The following ENO1 variants were observed in gnomAD, a reference collection of about 807,000 sequenced individuals.
ENO1 encodes the protein alpha-enolase.
ENO1 carries 33 observed loss-of-function variants against 46.3 expected under a neutral mutation model. The ratio of observed to expected loss-of-function variants is 0.71; its 90% CI spans 0.54 to 0.95. ENO1 has a LOEUF of 0.95. Among genes scored for constraint, ENO1 ranks in the 40% least tolerant of loss-of-function variants. ENO1 has a pLI of 0.00. For missense variants in ENO1, 488 were observed against 553.3 expected (o/e 0.88, Z 1.18); for synonymous variants, 220 against 216.0 (o/e 1.02, Z -0.16).
rs1275080715 is a variant in ENO1, at chr1:8,862,769, A to G, written c.1235+118T>C. 3 of 1,170,276 alleles carry G rather than the reference A, an allele frequency of 2.6e-6. No individual in the cohort carries two copies. In the African/African-American group the frequency reaches 4.6e-5, roughly 18 times the overall value. The allele number at this position is 1,170,276 out of a possible 1,614,324, so 72.5% of individuals were successfully genotyped here. A position where few individuals can be genotyped will look rare whatever the true frequency, so the allele number is the denominator to read the frequency against. On this transcript the variant is annotated intron_variant, in intron 11 of 11. Coordinates refer to ENST00000234590, the MANE Select transcript of ENO1 (RefSeq NM_001428.5). ...CAGGGCCTGGCTGTCTGCACTGTGC[A>G]CCTGCACCTGTACATGTTCCCAGAG...
intron 4 of ENO1, 27 bp from the exon 5 acceptor site, chr1:8,868,084 G>A (rs747206933): frequency 6.4e-7 from 1 of 1,561,400 alleles, no homozygotes; most frequent in Admixed American, 1.7e-5. Flanking sequence ...AGAATGAGGG[G>A]TTGGGGCCAC....
chr1:8,866,023 G>A (rs957109547), intron 7 of ENO1: 23 of 413,930 alleles, frequency 5.6e-5, no homozygotes, highest in African/African-American at 2.7e-4. Context: ...GGAAGTTGTA[G>A]TGAGCCGAGA....
intron 4 of ENO1, among the ~76,000 whole-genome samples, chr1:8,869,090 A>G (rs1328016520): frequency 1.3e-5 from 2 of 152,210 alleles, no homozygotes; most frequent in Non-Finnish European, 2.9e-5. Context: ...ATCAACTCTG[A>G]TCCCATCATG....
In ENO1 at chr1:8,866,236, C is replaced by G. The variant is rs28999085; in HGVS notation, c.667+43G>C. ...ACGACCCCCCAACAGAGGGAGCTGG[C>G]GCTGCAGGGCTGGGTGGGGGGGCGG... On this transcript the variant is annotated intron_variant, in intron 7 of 11. Transcript: ENST00000234590. 175 of 1,580,496 alleles carry G rather than the reference C, an allele frequency of 1.1e-4. 1 individual carries two copies. The highest frequency in any genetic ancestry group is 4.6e-4 in the Admixed American group (27 of 59,118).
chr1:8,863,691 C>CT (rs1313016329), intron 9 of ENO1, among the ~76,000 whole-genome samples, 200 bp downstream of exon 9: 2 of 152,218 alleles, frequency 1.3e-5, no homozygotes, highest in Admixed American at 6.5e-5. Context: ...ATCCTCCTGC[C>CT]TTGGCCTCCC....
At chr1:8,866,257 G>T (rs777923490) in intron 7 of ENO1, 22 bp downstream of exon 7, 1 of 1,611,284 alleles carries the variant, frequency 6.2e-7, no homozygotes, top group Non-Finnish European at 8.5e-7. Context: ...TGGGTGGGGG[G>T]GCGGTTCCCT....
chr1:8,875,370 A>C (rs1203376941), intron 1 of ENO1, among the ~76,000 whole-genome samples: 1 of 152,096 alleles, frequency 6.6e-6, no homozygotes, highest in Non-Finnish European at 1.5e-5. Flanking sequence ...ATCAAATCCA[A>C]ATAGAAAGAT....
At position 8,863,944 on chromosome 1, in the gene ENO1, G is replaced by A. The variant is rs1328241708; in HGVS notation, c.1014C>T (p.Asn338=). Residue 338 remains asparagine (N), a synonymous_variant, in exon 9 of 12, where the codon AAC becomes AAT. Transcript: ENST00000234590. Reference sequence around the variant, plus strand: ...TCTGGTTGACTTTGAGCAGGAGGCAGTTGCAGGACTTCTCGTTCACGGCCT... The same window carrying A: ...TCTGGTTGACTTTGAGCAGGAGGCAATTGCAGGACTTCTCGTTCACGGCCT... The part of the protein sequence containing the change: ...IAKAVNEKSC[N]CLLLKVNQIG... 2 of 1,614,030 alleles carry A rather than the reference G, an allele frequency of 1.2e-6. No individual in the cohort carries two copies. The highest frequency in any genetic ancestry group is 2.2e-5 in the East Asian group (1 of 44,884).
Position 8,863,983 on chromosome 1 carries a change from T to G in ENO1, c.975A>C (p.Pro325=), listed in dbSNP as rs140674283. ...VVGDDLTVTN[P]KRIAKAVNEK... The stretch of plus-strand genomic sequence containing the variant: ...CGTTCACGGCCTTGGCGATCCTCTT[T>G]GGGTTGGTCACTGTGAGATCATCCC... Residue 325 remains proline (P), a synonymous_variant, in exon 9 of 12, where the codon CCA becomes CCC. Coordinates refer to ENST00000234590, the MANE Select transcript of ENO1 (RefSeq NM_001428.5). The G allele has an allele frequency of 1.3e-4, 212 of 1,614,142 alleles. 2 individuals are homozygous for G. In the Middle Eastern group the frequency reaches 2.1e-3, roughly 16 times the overall value.
In ENO1 at chr1:8,867,751, C is replaced by T. The variant is rs577535140; in HGVS notation, c.310+237G>A. Among the ~76,000 whole-genome samples, 359 of 152,124 alleles carry T rather than the reference C, an allele frequency of 2.4e-3. 1 individual carries two copies. Among genetic ancestry groups the T allele is most frequent in the African/African-American group, 8.0e-3 (332 of 41,494 alleles). On this transcript the variant is annotated intron_variant, in intron 5 of 11. Coordinates refer to ENST00000234590, the MANE Select transcript of ENO1 (RefSeq NM_001428.5). ...TTCACCACGTTGGCCAGGATGGTCTCGATCTCCTGACCTCGTGATCCACCT... is the reference window on the plus strand; with the variant it reads ...TTCACCACGTTGGCCAGGATGGTCTTGATCTCCTGACCTCGTGATCCACCT...
intron 1 of ENO1, among the ~76,000 whole-genome samples, chr1:8,876,490 GCCC>G (rs778900104): frequency 1.1e-4 from 17 of 152,118 alleles, no homozygotes; most frequent in East Asian, 9.6e-4. Context: ...ATATCCCCCT[GCCC>G]CATCTCCAGG....
chr1:8,862,247 A>C (rs1329077620), intron 11 of ENO1, among the ~76,000 whole-genome samples: 1 of 152,234 alleles, frequency 6.6e-6, no homozygotes, highest in Non-Finnish European at 1.5e-5. Context: ...GTGACATGGC[A>C]AGACCCTGTC....
chr1:8,861,644 C>G (rs1425821319), intron 11 of ENO1, among the ~76,000 whole-genome samples: 2 of 152,042 alleles, frequency 1.3e-5, no homozygotes, highest in African/African-American at 4.8e-5. Context: ...TCTCCTCATC[C>G]CAACTCACCA....
chr1:8,866,522 A>T (rs1557581419), intron 6 of ENO1, 21 bp from the exon 7 acceptor site: 1 of 1,613,768 alleles, frequency 6.2e-7, no homozygotes, highest in Non-Finnish European at 8.5e-7. Context: ...CAGAGCAGAG[A>T]AGCATGGCAC....
rs1489571539 is a variant in ENO1, at chr1:8,871,691, G to A, written c.181+200C>T. On this transcript the variant is annotated intron_variant, in intron 3 of 11. Coordinates refer to ENST00000234590, the MANE Select transcript of ENO1 (RefSeq NM_001428.5). ...TGGAACTCTCGACCCAGAGCATGCA[G>A]GCTCGGGAACCCCGGAATCCACACA... 2.2e-6 allele frequency: 3 copies of A among 1,351,496 alleles called. No homozygotes were observed. The East Asian group carries it at 8.0e-5, about 36-fold the overall frequency. 83.7% of individuals were successfully genotyped at this position (1,351,496 alleles called of 1,614,324 possible).
Position 8,867,205 on chromosome 1 carries a change from C to T in ENO1, c.356G>A (p.Cys119Tyr), listed in dbSNP as rs1193187414. Residue 119 changes from cysteine to tyrosine, a missense_variant, in exon 6 of 12, where the codon TGC becomes TAC. By Grantham distance (194) the Cys-to-Tyr change is radical. Coordinates refer to ENST00000234590, the MANE Select transcript of ENO1 (RefSeq NM_001428.5). The part of the protein sequence containing the change: ...NAILGVSLAV[C>Y]KAGAVEKGVP... ...CCCCTTCTCAACGGCACCAGCTTTG[C>T]AGACGGCAAGGGACACCCCCAGAAT... The T allele has an allele frequency of 6.2e-7, 1 of 1,614,212 alleles. No homozygotes were observed. The highest frequency in any genetic ancestry group is 1.1e-5 in the South Asian group (1 of 91,082).
At chr1:8,867,390 T>G in intron 5 of ENO1, 140 bp from the exon 6 acceptor site, 1 of 1,230,278 alleles carries the variant, frequency 8.1e-7, no homozygotes, top group Non-Finnish European at 1.1e-6. Flanking sequence ...GAAATACAAA[T>G]AGCATTCTAT....
chr1:8,877,116 C>T (rs1431621373), intron 1 of ENO1, among the ~76,000 whole-genome samples: 1 of 152,070 alleles, frequency 6.6e-6, no homozygotes, highest in Admixed American at 6.5e-5. Flanking sequence ...CACCACCACA[C>T]CCGGCTAATT....
chr1:8,861,380 T>C lies in ENO1; in HGVS notation c.1285A>G (p.Arg429Gly). ...SKAKFAGRNF[R>G]NPLAK ...ACAGCTTACTTGGCCAAGGGGTTTC[T>C]GAAGTTCCTGCCGGCAAACTTAGCC... is the stretch of plus-strand genomic sequence containing the variant. Residue 429 changes from arginine to glycine, a missense_variant, in exon 12 of 12, where the codon AGA becomes GGA. Physicochemically the swap from Arg to Gly is moderately radical, Grantham distance 125 (BLOSUM62 -2). Coordinates refer to ENST00000234590, the MANE Select transcript of ENO1 (RefSeq NM_001428.5). 6.2e-7 allele frequency: 1 copy of C among 1,614,064 alleles called. No individual in the cohort carries two copies. Among genetic ancestry groups the C allele is most frequent in the Admixed American group, 1.7e-5 (1 of 60,020 alleles).
Sources: allele counts gnomAD v4.1 joint callset (sites outside exome capture counted in the v4.1 genomes callset), GRCh38; gene constraint gnomAD v4.1.1; transcripts MANE v1.5; gene names NCBI Gene and HGNC (gene_info 2026-07-23, HGNC 2026-07-21).